The following FAAH2 variants were observed in gnomAD, a reference collection of about 807,000 sequenced individuals.
FAAH2 encodes fatty acid amide hydrolase 2.
FAAH2 carries 60 observed loss-of-function variants against 36.9 expected under a neutral mutation model. The observed-to-expected ratio is 1.63, with a 90% CI of 1.32 to 2.02. The LOEUF (loss-of-function observed/expected upper bound fraction) is 2.02. Among genes scored for constraint, FAAH2 ranks in the 30% most tolerant of loss-of-function variants. The pLI, the probability that FAAH2 is intolerant of heterozygous loss-of-function variation, is 0.00. For missense variants in FAAH2, 689 were observed against 397.5 expected, an observed-to-expected ratio of 1.73 and a Z score of -6.23; for synonymous variants, 214 against 143.8, an observed-to-expected ratio of 1.49 and a Z score of -3.49.
the FAAH2 span, among the ~76,000 whole-genome samples, chrX:57,250,156 T>C: frequency 8.9e-6 from 1 of 112,191 alleles, no homozygotes; most frequent in Non-Finnish European, 1.9e-5. Flanking sequence ...GATACAGCAA[T>C]AATTGTGAGC....
intron 3 of FAAH2, among the ~76,000 whole-genome samples, chrX:57,324,670 T>C (rs2053153520): frequency 8.9e-6 from 1 of 112,204 alleles, no homozygotes; most frequent in South Asian, 3.7e-4. Context: ...AGAATGCTTG[T>C]GATTTTTGCA....
At chrX:57,256,831 C>T in the FAAH2 span, among the ~76,000 whole-genome samples, 10 of 112,038 alleles carry the variant, frequency 8.9e-5, no homozygotes, top group Non-Finnish European at 1.9e-4. Context: ...TCTACAAGAA[C>T]TTAAAGAAAT....
chrX:57,402,047 G>A (rs949004674), intron 7 of FAAH2, among the ~76,000 whole-genome samples: 1 of 111,423 alleles, frequency 9.0e-6, no homozygotes, highest in Non-Finnish European at 1.9e-5. Context: ...AGACTGAGAA[G>A]GCTCTGCCAA....
chrX:57,399,005 G>A (rs1002623705), intron 7 of FAAH2, among the ~76,000 whole-genome samples: 1 of 111,370 alleles, frequency 9.0e-6, no homozygotes, highest in East Asian at 2.8e-4. Flanking sequence ...TTTCTTTGGA[G>A]GGGTGCCTTT....
At chrX:57,327,428 A>T (rs1055995891) in intron 3 of FAAH2, among the ~76,000 whole-genome samples, 9 of 109,964 alleles carry the variant, frequency 8.2e-5, no homozygotes, top group Non-Finnish European at 1.3e-4. Flanking sequence ...AATATCCTGC[A>T]GAGTGTTTTC....
At chrX:57,126,230 A>T in the FAAH2 span, among the ~76,000 whole-genome samples, 1 of 112,280 alleles carries the variant, frequency 8.9e-6, no homozygotes, top group Non-Finnish European at 1.9e-5. Flanking sequence ...AATTAGAGAG[A>T]TCTTTGGACA....
At chrX:57,392,678 C>A in intron 7 of FAAH2, 2 of 642,039 alleles carry the variant, frequency 3.1e-6, no homozygotes, top group Non-Finnish European at 5.2e-6. Context: ...GTTTCAGGGT[C>A]CAAATCAGTA....
intron 5 of FAAH2, among the ~76,000 whole-genome samples, chrX:57,354,179 A>C (rs1352461771): frequency 9.0e-6 from 1 of 111,235 alleles, no homozygotes; most frequent in Non-Finnish European, 1.9e-5. Flanking sequence ...GAGATATGGA[A>C]TCAACCTAAG....
intron 7 of FAAH2, among the ~76,000 whole-genome samples, chrX:57,404,139 G>A (rs1481857309): frequency 8.9e-6 from 1 of 112,076 alleles, no homozygotes; most frequent in Non-Finnish European, 1.9e-5. Context: ...GGTTATCAGT[G>A]GCCTCAGTGC....
the FAAH2 span, among the ~76,000 whole-genome samples, chrX:57,269,840 C>T: frequency 1.8e-5 from 2 of 110,940 alleles, no homozygotes; most frequent in Non-Finnish European, 1.9e-5. Context: ...AGCAAACCAA[C>T]CCCAAAGCTA....
At chrX:57,202,039 C>G in the FAAH2 span, among the ~76,000 whole-genome samples, 1 of 106,609 alleles carries the variant, frequency 9.4e-6, no homozygotes, top group East Asian at 2.9e-4. Context: ...TGAATTACTT[C>G]CCTATATTAT....
intron 7 of FAAH2, chrX:57,393,972 T>A (rs935381137): frequency 6.3e-6 from 5 of 787,888 alleles, no homozygotes; most frequent in Non-Finnish European, 5.9e-6. Context: ...TGTATGTGGA[T>A]ATCAGAGAAC....
chrX:57,484,722 G>T (rs1472254004), intron 10 of FAAH2, among the ~76,000 whole-genome samples: 2 of 111,652 alleles, frequency 1.8e-5, no homozygotes, highest in African/African-American at 3.3e-5. Context: ...AGTGTCATTT[G>T]TGGTGGTGTA....
At chrX:57,326,344 G>A (rs1489934208) in intron 3 of FAAH2, among the ~76,000 whole-genome samples, 1 of 114,114 alleles carries the variant, frequency 8.8e-6, no homozygotes, top group African/African-American at 3.2e-5. Flanking sequence ...TTCTGTAGGT[G>A]TCTATTAGGT....
At chrX:57,352,099 T>TATATGTGTATATATATGCAC (rs1569284090) in intron 5 of FAAH2, among the ~76,000 whole-genome samples, 312 of 14,743 alleles carry the variant, frequency 0.021, 42 homozygotes, top group African/African-American at 0.092. Flanking sequence ...TATGCACATA[T>TATATGTGTATATATATGCAC]ATATATATGT....
At chrX:57,177,578 AT>A in the FAAH2 span, among the ~76,000 whole-genome samples, 5 of 1,450 alleles carry the variant, frequency 3.4e-3, no homozygotes, top group African/African-American at 0.026. Flanking sequence ...CAAAATTTAA[AT>A]ATATATATAT....
At chrX:57,329,625 CCA>C (rs202211095) in intron 3 of FAAH2, among the ~76,000 whole-genome samples, 91 of 101,562 alleles carry the variant, frequency 9.0e-4, no homozygotes, top group South Asian at 2.3e-3. Context: ...AAGACAAGGT[CCA>C]CACACACACA....
intron 10 of FAAH2, among the ~76,000 whole-genome samples, chrX:57,483,612 G>A (rs759179047): frequency 1.3e-4 from 14 of 109,805 alleles, no homozygotes; most frequent in African/African-American, 4.6e-4. Context: ...TTCTTATGCC[G>A]AGTTCTTCTC....
intron 3 of FAAH2, among the ~76,000 whole-genome samples, chrX:57,330,460 CAA>C (rs1246404835): frequency 9.0e-6 from 1 of 111,647 alleles, no homozygotes; most frequent in Non-Finnish European, 1.9e-5. Context: ...TTATCAATGG[CAA>C]TGGTGCCCGA....
Sources: gnomAD v4.1 joint callset for allele counts (sites outside exome capture counted in the v4.1 genomes callset) on GRCh38, gnomAD v4.1.1 for gene constraint, MANE v1.5 for transcripts, NCBI Gene and HGNC (gene_info 2026-07-23, HGNC 2026-07-21) for gene names.